The following TIMELESS variants were observed in gnomAD, a reference collection of about 807,000 sequenced individuals.
TIMELESS encodes timeless circadian regulator.
Under a neutral mutation model 164.3 loss-of-function variants are expected in TIMELESS, and 124 were observed. The ratio of observed to expected loss-of-function variants is 0.75; its 90% CI spans 0.65 to 0.88. The LOEUF (loss-of-function observed/expected upper bound fraction) is 0.88. Among genes scored for constraint, TIMELESS ranks in the 40% least tolerant of loss-of-function variants. The pLI, the probability that TIMELESS is intolerant of heterozygous loss-of-function variation, is 0.00. For synonymous variants in TIMELESS, 564 were observed against 563.4 expected (o/e 1.00, Z -0.02); for missense variants, 1,422 against 1,491.4 (o/e 0.95, Z 0.77).
At chr12:56,435,681 C>T (rs577428715) in intron 1 of TIMELESS, among the ~76,000 whole-genome samples, 2 of 152,272 alleles carry the variant, frequency 1.3e-5, no homozygotes, top group South Asian at 2.1e-4. Flanking sequence ...GGGCGTTGGC[C>T]GGGCACGGTG....
chr12:56,423,500 G>T (rs753696923), intron 17 of TIMELESS, 25 bp from the exon 18 acceptor site: 1 of 1,613,766 alleles, frequency 6.2e-7, no homozygotes, highest in East Asian at 2.2e-5. Context: ...GGAGGGAGAG[G>T]ATGTCAGCAT....
chr12:56,431,006 C>T, intron 8 of TIMELESS, 38 bp from the exon 9 acceptor site: 3 of 1,389,802 alleles, frequency 2.2e-6, no homozygotes, highest in Non-Finnish European at 2.9e-6. Flanking sequence ...TTTTTCAGTT[C>T]TCTGGAAACT....
intron 26 of TIMELESS, among the ~76,000 whole-genome samples, chr12:56,419,026 G>T (rs1405838641): frequency 1.4e-5 from 2 of 142,018 alleles, no homozygotes; most frequent in Non-Finnish European, 3.0e-5. Flanking sequence ...TTGAGGCAGA[G>T]TCTCACTCTG....
intron 25 of TIMELESS, 24 bp from the exon 26 acceptor site, chr12:56,420,711 T>C (rs900294000): frequency 4.1e-5 from 66 of 1,613,864 alleles, no homozygotes; most frequent in Non-Finnish European, 5.3e-5. Context: ...AATAGTCATA[T>C]GGTGAAGATA....
rs72480406 is a variant in TIMELESS at position 56,418,103 on chromosome 12, A to G, written c.3454+31T>C. 1,769 of 1,613,288 alleles carry G rather than the reference A, an allele frequency of 1.1e-3. 1 individual carries two copies. Among genetic ancestry groups the G allele is most frequent in the Admixed American group, 2.1e-3 (128 of 60,018 alleles). On this transcript the variant is annotated intron_variant, in intron 27 of 28. Coordinates refer to ENST00000553532, the MANE Select transcript of TIMELESS (RefSeq NM_003920.5). ...TCTAGACCAACATGGCTGACACGTTAATACTCAGAAGATGGCTGTCGCACT... is the reference window on the plus strand; with the variant it reads ...TCTAGACCAACATGGCTGACACGTTGATACTCAGAAGATGGCTGTCGCACT...
chr12:56,427,989 C>T lies in TIMELESS; in HGVS notation c.1578+247G>A, dbSNP rs536777694. Among the ~76,000 whole-genome samples the T allele has an allele frequency of 2.6e-5, 4 of 152,286 alleles. No homozygotes were observed. In the East Asian group the frequency reaches 7.7e-4, roughly 29 times the overall value. On this transcript the variant is annotated intron_variant, in intron 13 of 28. Transcript: ENST00000553532. The stretch of plus-strand genomic sequence containing the variant: ...GAATCCCCAGGGTTTTTGTACTTGG[C>T]ATGTGGTAGGTGTTCAATAAATGTT...
intron 26 of TIMELESS, among the ~76,000 whole-genome samples, chr12:56,420,048 A>ATGTGTGTGTGTGTG (rs1363649039): frequency 8.0e-5 from 7 of 87,330 alleles, no homozygotes; most frequent in African/African-American, 3.5e-4. Context: ...ATATATATAT[A>ATGTGTGTGTGTGTG]TGTGTGTGTG....
Position 56,433,914 on chromosome 12 carries a change from T to G in TIMELESS, c.110A>C (p.Asp37Ala). ...CTCATGCCTCAAATAGCGGATCAGA[T>G]CCTTCACGCTCTCTTCAGAGACAGA... The part of the protein sequence containing the change: ...KEPDCLESVK[D>A]LIRYLRHEDE... Residue 37 changes from aspartate (D) to alanine (A), a missense_variant, in exon 3 of 29, where the codon GAT becomes GCT. Physicochemically the swap from Asp to Ala is moderately radical, Grantham distance 126. Transcript: ENST00000553532. The G allele has an allele frequency of 6.2e-7, 1 of 1,614,056 alleles. No individual in the cohort carries two copies. Among genetic ancestry groups the G allele is most frequent in the Non-Finnish European group, 8.5e-7 (1 of 1,179,976 alleles).
chr12:56,440,527 T>C (rs1371268870), intron 1 of TIMELESS, among the ~76,000 whole-genome samples: 2 of 152,170 alleles, frequency 1.3e-5, no homozygotes, highest in African/African-American at 4.8e-5. Context: ...CCCAGTAGTA[T>C]GAACAAAATG....
intron 17 of TIMELESS, 49 bp from the exon 18 acceptor site, chr12:56,423,524 C>T (rs1376108504): frequency 1.2e-6 from 2 of 1,612,872 alleles, no homozygotes; most frequent in Non-Finnish European, 1.7e-6. Flanking sequence ...GAAGACATAG[C>T]TCATCCTCAC....
At chr12:56,428,842 G>T in intron 11 of TIMELESS, 41 bp downstream of exon 11, 1 of 1,598,220 alleles carries the variant, frequency 6.3e-7, no homozygotes, top group Non-Finnish European at 8.6e-7. Flanking sequence ...CAAGCATTCA[G>T]ATCCCTAGCT....
At chr12:56,421,629 G>C (rs1376318705) in intron 22 of TIMELESS, 98 bp downstream of exon 22, 20 of 1,529,944 alleles carry the variant, frequency 1.3e-5, no homozygotes, top group African/African-American at 2.7e-5. Flanking sequence ...GAACAGAAGG[G>C]ATGGGAGAAT....
intron 1 of TIMELESS, among the ~76,000 whole-genome samples, chr12:56,444,475 A>G (rs577866012): frequency 9.9e-5 from 15 of 152,222 alleles, no homozygotes; most frequent in Admixed American, 3.9e-4. Context: ...CCTGTCCCTT[A>G]GTTGGTTATT....
rs1881637884 is a variant in TIMELESS, at chr12:56,425,154, T to G, written c.1579-2A>C. On this transcript the variant is annotated splice_acceptor_variant, in intron 13 of 28. Transcript: ENST00000553532. LOFTEE classifies it high-confidence loss of function. ...CTTCCTTCTCTTCTTTTGTTTGTTC[T>G]GTGGGGAAAGAATTGTATTAGGATG... 1 of 1,611,900 alleles carries G rather than the reference T, an allele frequency of 6.2e-7. No individual in the cohort carries two copies. Among genetic ancestry groups the G allele is most frequent in the Non-Finnish European group, 8.5e-7 (1 of 1,179,600 alleles).
At chr12:56,421,228 C>A (rs1389966162) in intron 23 of TIMELESS, 94 bp from the exon 24 acceptor site, 2 of 1,587,500 alleles carry the variant, frequency 1.3e-6, no homozygotes, top group African/African-American at 1.3e-5. Flanking sequence ...CCCCCCCGCG[C>A]CTGCTCTCTC....
rs1158190714 is a variant in TIMELESS, at chr12:56,422,199, G to A, written c.2439-8C>T. 3 of 1,613,590 alleles carry A rather than the reference G, an allele frequency of 1.9e-6. No individual in the cohort carries two copies. The highest frequency in any genetic ancestry group is 1.1e-5 in the South Asian group (1 of 91,040). ...GCTCTGCGACTGGAAGACCTGAATGGTGAAAGGAGAAAGGGAGCATATAGG... is the reference window on the plus strand; with the variant it reads ...GCTCTGCGACTGGAAGACCTGAATGATGAAAGGAGAAAGGGAGCATATAGG... On this transcript the variant is annotated splice_region_variant and splice_polypyrimidine_tract_variant and intron_variant, in intron 19 of 28. Coordinates refer to ENST00000553532, the MANE Select transcript of TIMELESS (RefSeq NM_003920.5).
rs767064038 is a variant in TIMELESS, at chr12:56,434,043, T to C, written c.97+31A>G. On this transcript the variant is annotated intron_variant, in intron 2 of 28. Coordinates refer to ENST00000553532, the MANE Select transcript of TIMELESS (RefSeq NM_003920.5). ...ACAGACCTCCTTAATTCAAGCCAAT[T>C]TTTTTCCTGTTTCATCAAAAAGGTA... 32 of 1,612,870 alleles carry C rather than the reference T, an allele frequency of 2.0e-5. No homozygotes were observed. In the South Asian group the frequency reaches 3.3e-4, roughly 17 times the overall value.
In TIMELESS at chr12:56,434,094, T is replaced by C. The variant is rs1008547254; in HGVS notation, c.77A>G (p.His26Arg). The change falls in exon 2 of 29, where the codon CAT becomes CGT. Residue 26 changes from histidine to arginine, a missense_variant. Coordinates refer to ENST00000553532, the MANE Select transcript of TIMELESS (RefSeq NM_003920.5). ...ALGYLEGDTY[H>R]KEPDCLESVK... ...CTCACCTAAGCAATCTGGTTCCTTA[T>C]GGTAAGTGTCTCCCTCCAAGTACCC... 7 of 1,614,038 alleles carry C rather than the reference T, an allele frequency of 4.3e-6. No homozygotes were observed. The highest frequency in any genetic ancestry group is 2.7e-5 in the African/African-American group (2 of 74,918).
intron 1 of TIMELESS, among the ~76,000 whole-genome samples, chr12:56,446,902 A>G (rs1223836530): frequency 2.0e-5 from 3 of 151,872 alleles, no homozygotes; most frequent in African/African-American, 4.8e-5. Flanking sequence ...ACTGTGTACC[A>G]TATTCAGACT....
Sources: gnomAD v4.1 joint callset for allele counts (sites outside exome capture counted in the v4.1 genomes callset) on GRCh38, gnomAD v4.1.1 for gene constraint, MANE v1.5 for transcripts, NCBI Gene and HGNC (gene_info 2026-07-23, HGNC 2026-07-21) for gene names.